STRBP: variants seen among roughly 807,000 people sequenced by gnomAD.
STRBP encodes spermatid perinuclear RNA binding protein.
STRBP carries 13 observed loss-of-function variants against 80.1 expected under a neutral mutation model. That is an observed-to-expected ratio of 0.16 (90% CI 0.11 to 0.26). The LOEUF (loss-of-function observed/expected upper bound fraction) is 0.26, where lower values mean the gene tolerates loss of function less well. Among genes scored for constraint, STRBP ranks in the 10% least tolerant of loss-of-function variants. The probability of loss-of-function intolerance (pLI) is 1.00; values close to 1 mark genes in which losing one functional copy is unlikely to be tolerated. For synonymous variants in STRBP, 284 were observed against 291.2 expected (o/e 0.98, Z 0.25); for missense variants, 485 against 815.2 (o/e 0.59, Z 4.93).
chr9:123,205,880 C>T (rs2039495995), intron 2 of STRBP, among the ~76,000 whole-genome samples: 1 of 152,322 alleles, frequency 6.6e-6, no homozygotes, highest in East Asian at 1.9e-4. Flanking sequence ...AACCCTTTCA[C>T]AAACTCCTTT....
intron 2 of STRBP, among the ~76,000 whole-genome samples, chr9:123,223,056 T>C (rs565539618): frequency 1.2e-3 from 145 of 122,198 alleles, no homozygotes; most frequent in African/African-American, 3.8e-3. Flanking sequence ...AGATGATAGA[T>C]AGATAGATAG....
At chr9:123,255,297 A>G (rs1030704958) in intron 1 of STRBP, among the ~76,000 whole-genome samples, 3 of 152,232 alleles carry the variant, frequency 2.0e-5, no homozygotes, top group South Asian at 4.1e-4. Context: ...TCCTCTTCCA[A>G]TGTGGCTCTA....
In STRBP at chr9:123,115,075, T is replaced by C. The variant is rs1334273680; in HGVS notation, c.*84+854A>G. On this transcript the variant is annotated intron_variant and NMD_transcript_variant, in intron 3 of 3. Transcript: ENST00000471564. The surrounding 1 kb of genome is among the most constrained non-coding windows in gnomAD (Gnocchi z 5.0). ...CACTATTGTGGACAATGGTCATCAT[T>C]GAAGGACACACCACCCAGGGCCTTT... is the stretch of plus-strand genomic sequence containing the variant. 3 of 403,012 alleles carry C rather than the reference T, an allele frequency of 7.4e-6. No individual in the cohort carries two copies. Among genetic ancestry groups the C allele is most frequent in the Non-Finnish European group, 1.6e-5 (3 of 192,178 alleles). The allele number at this position is 403,012 out of a possible 1,614,324, so 25.0% of individuals were successfully genotyped here. A position where few individuals can be genotyped will look rare whatever the true frequency, so the allele number is the denominator to read the frequency against.
chr9:123,247,336 C>T (rs751643282), intron 1 of STRBP, among the ~76,000 whole-genome samples: 5 of 152,064 alleles, frequency 3.3e-5, no homozygotes, highest in Admixed American at 3.3e-4. Context: ...GCCACAATCT[C>T]GGCTGACTGC....
In STRBP at chr9:123,125,377, A is replaced by G; in HGVS notation, c.*220T>C. On this transcript the variant is annotated 3_prime_UTR_variant, in exon 19 of 19. Coordinates refer to ENST00000348403, the MANE Select transcript of STRBP (RefSeq NM_018387.5). ...GAAGGGCTGGTATAAGTTATTTTCC[A>G]GAAATGAGGTACCGTTTTCACAGAA... 3.3e-6 allele frequency: 4 copies of G among 1,221,934 alleles called. No individual in the cohort carries two copies. The South Asian group carries it at 1.0e-4, about 31-fold the overall frequency. The allele number at this position is 1,221,934 out of a possible 1,614,324, so 75.7% of individuals were successfully genotyped here.
chr9:123,180,916 C>T (rs1477778185), intron 3 of STRBP: 3 of 984,666 alleles, frequency 3.0e-6, no homozygotes, highest in Non-Finnish European at 3.6e-6. Context: ...TGAAGTCCAT[C>T]GCAAACTAAA....
chr9:123,180,873 A>G (rs2038427917), intron 3 of STRBP: 1 of 958,274 alleles, frequency 1.0e-6, no homozygotes, highest in Admixed American at 6.2e-5. Context: ...CTTACATGAA[A>G]TTATATGTTA....
At position 123,124,843 on chromosome 9, in the gene STRBP, A is replaced by G. The variant is rs1214421565; in HGVS notation, c.*754T>C. On this transcript the variant is annotated 3_prime_UTR_variant, in exon 19 of 19. Transcript: ENST00000348403. ...GCTCAAATAACAGAATGGAACCTTTATCATGGGGATGGCCCTTGTACAACA... is the reference window on the plus strand; with the variant it reads ...GCTCAAATAACAGAATGGAACCTTTGTCATGGGGATGGCCCTTGTACAACA... 2 of 985,348 alleles carry G rather than the reference A, an allele frequency of 2.0e-6. No individual in the cohort carries two copies. Among genetic ancestry groups the G allele is most frequent in the East Asian group, 1.1e-4 (1 of 8,832 alleles). The allele number at this position is 985,348 out of a possible 1,614,324, so 61.0% of individuals were successfully genotyped here.
intron 4 of STRBP, among the ~76,000 whole-genome samples, chr9:123,176,188 T>A (rs1034502368): frequency 2.6e-5 from 4 of 152,220 alleles, no homozygotes; most frequent in African/African-American, 9.6e-5. Context: ...CATACCTAGA[T>A]CGGTGCTGAG....
At chr9:123,232,954 A>T (rs2040439298) in intron 2 of STRBP, among the ~76,000 whole-genome samples, 1 of 152,200 alleles carries the variant, frequency 6.6e-6, no homozygotes, top group Non-Finnish European at 1.5e-5. Context: ...GAAGGCAGAA[A>T]CTGTGTCTTA....
At chr9:123,187,235 T>C (rs1393273339) in intron 2 of STRBP, among the ~76,000 whole-genome samples, 1 of 150,664 alleles carries the variant, frequency 6.6e-6, no homozygotes, top group Non-Finnish European at 1.5e-5. Context: ...CTAAAGGACT[T>C]ACATTTCCTA....
intron 1 of STRBP, among the ~76,000 whole-genome samples, chr9:123,246,399 T>C: frequency 6.6e-6 from 1 of 152,208 alleles, no homozygotes; most frequent in South Asian, 2.1e-4. Context: ...CTAGCATGAA[T>C]ACTGCAAGGA....
chr9:123,238,672 T>G (rs1340296900), intron 1 of STRBP, among the ~76,000 whole-genome samples: 4 of 152,168 alleles, frequency 2.6e-5, no homozygotes, highest in Admixed American at 6.5e-5. Flanking sequence ...GATAAATAGT[T>G]AAGATTCAAA....
At chr9:123,175,413 G>C (rs988954999) in intron 4 of STRBP, among the ~76,000 whole-genome samples, 1 of 152,192 alleles carries the variant, frequency 6.6e-6, no homozygotes, top group Admixed American at 6.5e-5. Flanking sequence ...AATGGAAAGG[G>C]AGAAGGAAGA....
intron 1 of STRBP, among the ~76,000 whole-genome samples, chr9:123,244,642 A>G: frequency 6.6e-6 from 1 of 152,214 alleles, no homozygotes; most frequent in East Asian, 1.9e-4. Context: ...TTCTCAAAAA[A>G]TAGTATTGAT....
chr9:123,158,509 G>C lies in STRBP; in HGVS notation c.836-80C>G, dbSNP rs2037386419. Reference sequence around the variant, plus strand: ...AACTAAAACAAAAGAGAGATGGCTGGGGAGAATGAAGAGAAAATGAAAAAA... The same window carrying C: ...AACTAAAACAAAAGAGAGATGGCTGCGGAGAATGAAGAGAAAATGAAAAAA... On this transcript the variant is annotated intron_variant, in intron 9 of 18. Coordinates refer to ENST00000348403, the MANE Select transcript of STRBP (RefSeq NM_018387.5). The C allele has an allele frequency of 1.7e-5, 21 of 1,259,260 alleles. No homozygotes were observed. In the South Asian group the frequency reaches 2.7e-4, roughly 16 times the overall value. 78.0% of individuals were successfully genotyped at this position (1,259,260 alleles called of 1,614,324 possible).
rs2038349571 is a variant in STRBP, at chr9:123,179,204, A to G, written c.27T>C (p.Asn9=). 3 of 1,609,410 alleles carry G rather than the reference A, an allele frequency of 1.9e-6. No homozygotes were observed. Among genetic ancestry groups the G allele is most frequent in the Non-Finnish European group, 2.6e-6 (3 of 1,175,978 alleles). Residue 9 remains asparagine (N), a synonymous_variant, in exon 4 of 19, where the codon AAT becomes AAC. Transcript: ENST00000348403. Reference sequence around the variant, plus strand: ...GTTTCACCATAACATGGCGATCATCATTAGCAAAAGATCGAATAGATCTCT... The same window carrying G: ...GTTTCACCATAACATGGCGATCATCGTTAGCAAAAGATCGAATAGATCTCT... MRSIRSFA[N]DDRHVMVKHS...
chr9:123,257,577 T>G (rs1406573935), intron 1 of STRBP, among the ~76,000 whole-genome samples: 1 of 152,200 alleles, frequency 6.6e-6, no homozygotes, highest in East Asian at 1.9e-4. Context: ...GGCTTTGGGA[T>G]ACCCAGGCAG....
At chr9:123,263,415 C>T (rs1170118328) in intron 1 of STRBP, among the ~76,000 whole-genome samples, 1 of 150,442 alleles carries the variant, frequency 6.6e-6, no homozygotes, top group Non-Finnish European at 1.5e-5. Flanking sequence ...GTCCCAGCTA[C>T]TCGAGATGCT....
Sources: gnomAD v4.1 joint callset for allele counts (sites outside exome capture counted in the v4.1 genomes callset) on GRCh38, gnomAD v4.1.1 for gene constraint, Gnocchi (gnomAD v3.1) non-coding constraint, MANE v1.5 for transcripts, NCBI Gene and HGNC (gene_info 2026-07-23, HGNC 2026-07-21) for gene names.